The following EML1 variants were observed in gnomAD, a reference collection of about 807,000 sequenced individuals.
The protein encoded by EML1 is echinoderm microtubule-associated protein-like 1.
EML1 carries 27 observed loss-of-function variants against 110.4 expected under a neutral mutation model. That is an observed-to-expected ratio of 0.24 (90% CI 0.18 to 0.34). The LOEUF (loss-of-function observed/expected upper bound fraction) is 0.34, where lower values mean the gene tolerates loss of function less well. Ranked by LOEUF, EML1 falls within the 10% of genes least tolerant of loss-of-function variation. The pLI, the probability that EML1 is intolerant of heterozygous loss-of-function variation, is 1.00. For missense variants in EML1, 741 were observed against 1,030.9 expected, an observed-to-expected ratio of 0.72 and a Z score of 3.85; for synonymous variants, 344 against 385.8, an observed-to-expected ratio of 0.89 and a Z score of 1.27.
At chr14:99,741,768 C>T (rs1364896714) in intron 1 of EML1, among the ~76,000 whole-genome samples, 1 of 152,146 alleles carries the variant, frequency 6.6e-6, no homozygotes, top group Non-Finnish European at 1.5e-5. Context: ...ATCCCAGTCC[C>T]CAAGGAGGTC....
chr14:99,844,335 C>T (rs974567606), intron 1 of EML1, among the ~76,000 whole-genome samples: 1 of 151,984 alleles, frequency 6.6e-6, no homozygotes, highest in Non-Finnish European at 1.5e-5. Flanking sequence ...AAAAATTAGC[C>T]GAGCATGGTG....
intron 1 of EML1, among the ~76,000 whole-genome samples, chr14:99,804,760 C>T (rs1462203985): frequency 6.6e-6 from 1 of 152,162 alleles, no homozygotes; most frequent in Non-Finnish European, 1.5e-5. Flanking sequence ...AACAGATTTC[C>T]TTGTCTTCAC....
chr14:99,779,666 C>T (rs1332446185), intron 1 of EML1, among the ~76,000 whole-genome samples: 1 of 152,190 alleles, frequency 6.6e-6, no homozygotes, highest in Non-Finnish European at 1.5e-5. Flanking sequence ...AAGGTCCTTC[C>T]ACACTTTTGC....
intron 19 of EML1, 45 bp from the exon 20 acceptor site, chr14:99,937,772 G>C: frequency 6.4e-7 from 1 of 1,573,360 alleles, no homozygotes; most frequent in African/African-American, 1.3e-5. Context: ...TAGGGGAGGG[G>C]TGGGGCCTTG....
intron 3 of EML1, among the ~76,000 whole-genome samples, chr14:99,878,059 T>G (rs1319521650): frequency 6.6e-6 from 1 of 152,208 alleles, no homozygotes; most frequent in Admixed American, 6.5e-5. Context: ...TGCAATTTTT[T>G]TTTTGTTTAA....
chr14:99,787,268 C>CT (rs34680462), intron 1 of EML1, among the ~76,000 whole-genome samples: 36,258 of 101,766 alleles, frequency 0.36, 7,632 homozygotes, highest in African/African-American at 0.4. Flanking sequence ...CTCTGAGATT[C>CT]TTTTTTTTTT....
intron 1 of EML1, among the ~76,000 whole-genome samples, chr14:99,740,299 G>A (rs1003855415): frequency 6.6e-6 from 1 of 152,158 alleles, no homozygotes; most frequent in Non-Finnish European, 1.5e-5. Flanking sequence ...CTCAGACCCT[G>A]TTAGCACAGA....
chr14:99,829,884 C>T (rs115991576), intron 1 of EML1, among the ~76,000 whole-genome samples: 4 of 152,264 alleles, frequency 2.6e-5, no homozygotes, highest in Non-Finnish European at 4.4e-5. Context: ...TTTGCTTATC[C>T]GTTCATCCAT....
chr14:99,932,396 G>T (rs923087014), intron 17 of EML1, among the ~76,000 whole-genome samples: 1 of 152,116 alleles, frequency 6.6e-6, no homozygotes, highest in African/African-American at 2.4e-5. Context: ...CCAGCACTTT[G>T]GGAGGCCGAG....
chr14:99,907,424 C>T, intron 9 of EML1: 1 of 554,550 alleles, frequency 1.8e-6, no homozygotes, highest in African/African-American at 1.9e-5. Context: ...GCAATGATTG[C>T]ACCACTGCAC....
At chr14:99,854,178 C>T (rs2058861563) in intron 2 of EML1, among the ~76,000 whole-genome samples, 2 of 152,138 alleles carry the variant, frequency 1.3e-5, no homozygotes, top group African/African-American at 2.4e-5. Context: ...CTTTCTGCTG[C>T]CGTAGCCGCT....
intron 1 of EML1, among the ~76,000 whole-genome samples, chr14:99,753,080 C>T (rs188278967): frequency 5.9e-5 from 9 of 151,994 alleles, no homozygotes; most frequent in Non-Finnish European, 4.4e-5. Flanking sequence ...AGGGAAGCAG[C>T]GAAGCCGGCA....
chr14:99,897,074 G>T, intron 6 of EML1, 71 bp from the exon 7 acceptor site: 1 of 1,361,980 alleles, frequency 7.3e-7, no homozygotes. Context: ...TATTGCCTGT[G>T]CCTGTTGAAT....
chr14:99,837,435 G>T (rs1043640455), intron 1 of EML1, among the ~76,000 whole-genome samples: 10 of 152,188 alleles, frequency 6.6e-5, no homozygotes, highest in African/African-American at 2.4e-4. Flanking sequence ...TCTAATCACT[G>T]TTACTCCATC....
rs1350629498 is a variant in EML1, at chr14:99,939,667, G to C, written c.2323-320G>C. Among the ~76,000 whole-genome samples, 1 of 152,142 alleles carries C rather than the reference G, an allele frequency of 6.6e-6. No individual in the cohort carries two copies. Among genetic ancestry groups the C allele is most frequent in the East Asian group, 1.9e-4 (1 of 5,166 alleles). On this transcript the variant is annotated intron_variant, in intron 21 of 21. Coordinates refer to ENST00000262233, the MANE Select transcript of EML1 (RefSeq NM_004434.3). This position sits in a 1 kb window ranked among gnomAD's most constrained non-coding sequence, Gnocchi z 4.2. ...TTCATCCTCCGTGATCCTGACCCTG[G>C]AGACCCCTCACCCTCAGCCCCGGGC...
chr14:99,921,653 C>T (rs2060132932), intron 17 of EML1, among the ~76,000 whole-genome samples: 1 of 152,164 alleles, frequency 6.6e-6, no homozygotes. Context: ...ACCCGCCTCC[C>T]ATATTCTGAA....
chr14:99,776,422 T>C (rs1325791052), intron 1 of EML1, among the ~76,000 whole-genome samples: 2 of 151,764 alleles, frequency 1.3e-5, no homozygotes, highest in Non-Finnish European at 2.9e-5. Flanking sequence ...GAGAATCGCT[T>C]GAACCTGGGA....
intron 3 of EML1, among the ~76,000 whole-genome samples, chr14:99,877,522 C>T (rs2059312548): frequency 6.6e-6 from 1 of 152,258 alleles, no homozygotes; most frequent in African/African-American, 2.4e-5. Flanking sequence ...TTTGATCTTT[C>T]CCGGAATTTC....
At position 99,796,936 on chromosome 14, in the gene EML1, T is replaced by TGAGAGA. The variant is rs71464634; in HGVS notation, c.67+3395_67+3400dup. On this transcript the variant is annotated intron_variant, in intron 1 of 21. Coordinates refer to ENST00000262233, the MANE Select transcript of EML1 (RefSeq NM_004434.3). The stretch of plus-strand genomic sequence containing the variant: ...GTGTGTGTGTGTGTGTGTGTGTGTG[T>TGAGAGA]GAGAGAGTAATAGCTTTATTGAAAT... Among the ~76,000 whole-genome samples the TGAGAGA allele has an allele frequency of 5.1e-3, 763 of 150,134 alleles. 12 individuals are homozygous for TGAGAGA. The highest frequency in any genetic ancestry group is 0.041 in the East Asian group (206 of 5,066).
Sources: gnomAD v4.1 joint callset for allele counts (sites outside exome capture counted in the v4.1 genomes callset) on GRCh38, gnomAD v4.1.1 for gene constraint, Gnocchi (gnomAD v3.1) non-coding constraint, MANE v1.5 for transcripts, NCBI Gene and HGNC (gene_info 2026-07-23, HGNC 2026-07-21) for gene names.